LEMD2: variants seen among roughly 807,000 people sequenced by gnomAD.
LEMD2 encodes LEM domain nuclear envelope protein 2.
A neutral mutation model predicts 58.8 loss-of-function variants in LEMD2; 34 were observed. That is an observed-to-expected ratio of 0.58 (90% CI 0.44 to 0.77). The LOEUF (loss-of-function observed/expected upper bound fraction) is 0.77, where lower values mean the gene tolerates loss of function less well. LEMD2 is among the 30% of genes least tolerant of loss of function. The probability of loss-of-function intolerance (pLI) is 0.00; values close to 1 mark genes in which losing one functional copy is unlikely to be tolerated. For missense variants in LEMD2, 629 were observed against 717.9 expected, an observed-to-expected ratio of 0.88 and a Z score of 1.42; for synonymous variants, 298 against 308.9, an observed-to-expected ratio of 0.96 and a Z score of 0.37.
intron 8 of LEMD2, among the ~76,000 whole-genome samples, chr6:33,774,430 ATT>A (rs59520978): frequency 8.6e-4 from 104 of 121,284 alleles, no homozygotes; most frequent in East Asian, 9.6e-4. Flanking sequence ...TTGGTCTCCC[ATT>A]TTTTTTTTTT....
rs1767297203 is a variant in LEMD2 at position 33,771,707 on chromosome 6, C to G, written c.*921G>C. ...GGCAGCCTGCAGCCACTGCGCCTCT[C>G]CCGCCGCCAAGAGCCGCGGCCGGGG... On this transcript the variant is annotated 3_prime_UTR_variant, in exon 9 of 9. Coordinates refer to ENST00000293760, the MANE Select transcript of LEMD2 (RefSeq NM_181336.4). 1 of 152,258 alleles carries G rather than the reference C, an allele frequency of 6.6e-6. No homozygotes were observed. The highest frequency in any genetic ancestry group is 6.5e-5 in the Admixed American group (1 of 15,292). The allele number at this position is 152,258 out of a possible 1,614,324, so 9.4% of individuals were successfully genotyped here. A position where few individuals can be genotyped will look rare whatever the true frequency, so the allele number is the denominator to read the frequency against.
At chr6:33,786,322 C>A (rs1767674811) in intron 2 of LEMD2, among the ~76,000 whole-genome samples, 1 of 152,182 alleles carries the variant, frequency 6.6e-6, no homozygotes, top group Non-Finnish European at 1.5e-5. Flanking sequence ...ATTTTCAGAG[C>A]CACAGCTGCA....
intron 1 of LEMD2, 123 bp from the exon 2 acceptor site, chr6:33,786,897 A>T: frequency 6.6e-7 from 1 of 1,504,648 alleles, no homozygotes; most frequent in Non-Finnish European, 8.9e-7. Context: ...GGGATTAGAA[A>T]GATGTCATCT....
intron 3 of LEMD2, 41 bp from the exon 4 acceptor site, chr6:33,781,194 A>G (rs1767557693): frequency 7.8e-7 from 1 of 1,284,312 alleles, no homozygotes; most frequent in East Asian, 2.3e-5. Context: ...CACAAAGGAA[A>G]AATCACTCTG....
In LEMD2 at chr6:33,784,398, C is replaced by T. The variant is rs374175778; in HGVS notation, c.807G>A (p.Leu269=). 1 of 1,371,624 alleles carries T rather than the reference C, an allele frequency of 7.3e-7. No homozygotes were observed. The highest frequency in any genetic ancestry group is 2.2e-5 in the Admixed American group (1 of 46,168). 85.0% of individuals were successfully genotyped at this position (1,371,624 alleles called of 1,614,324 possible). ...TGTAGAGTTCATGCAGCAGCTCCAG[C>T]AAGGCTGCCTTCTGCTTGGCCTGAC... is the stretch of plus-strand genomic sequence containing the variant. The part of the protein sequence containing the change: ...EFCQAKQKAA[L]LELLHELYNF... Residue 269 remains leucine, a synonymous_variant, in exon 3 of 9, where the codon TTG becomes TTA. Coordinates refer to ENST00000293760, the MANE Select transcript of LEMD2 (RefSeq NM_181336.4).
intron 3 of LEMD2, chr6:33,781,446 CAGAT>C (rs1322302068): frequency 5.2e-6 from 2 of 384,592 alleles, no homozygotes; most frequent in Non-Finnish European, 9.3e-6. Context: ...AAGAATCAGA[CAGAT>C]AGCTTCGGAA....
chr6:33,788,345 G>A (rs1767732099), intron 1 of LEMD2, 36 bp downstream of exon 1: 4 of 1,511,542 alleles, frequency 2.6e-6, no homozygotes, highest in South Asian at 1.2e-5. Flanking sequence ...ACACACGCGC[G>A]CCCAGGGCCC....
At chr6:33,782,397 C>T (rs965364976) in intron 3 of LEMD2, among the ~76,000 whole-genome samples, 1 of 152,228 alleles carries the variant, frequency 6.6e-6, no homozygotes, top group Non-Finnish European at 1.5e-5. Flanking sequence ...CTCTGGTGGC[C>T]TGGCATCCAA....
intron 5 of LEMD2, 72 bp downstream of exon 5, chr6:33,780,028 C>T (rs564709026): frequency 1.2e-5 from 15 of 1,290,146 alleles, no homozygotes; most frequent in African/African-American, 4.4e-5. Flanking sequence ...TGTTGGAGCA[C>T]GGGTGTTAGC....
intron 3 of LEMD2, among the ~76,000 whole-genome samples, chr6:33,782,836 T>C (rs1216103644): frequency 6.6e-6 from 1 of 151,992 alleles, no homozygotes; most frequent in Non-Finnish European, 1.5e-5. Context: ...ATGGAAGGGG[T>C]TGAGGACTAC....
intron 3 of LEMD2, chr6:33,781,417 C>A: frequency 4.4e-6 from 2 of 452,844 alleles, no homozygotes; most frequent in Non-Finnish European, 3.9e-6. Flanking sequence ...AGCAAGGTCT[C>A]TTTGCAATTG....
Position 33,788,734 on chromosome 6 carries a change from T to C in LEMD2, c.383A>G (p.Gln128Arg). 7.0e-7 allele frequency: 1 copy of C among 1,429,764 alleles called. No individual in the cohort carries two copies. Among genetic ancestry groups the C allele is most frequent in the South Asian group, 1.4e-5 (1 of 72,344 alleles). The allele number at this position is 1,429,764 out of a possible 1,614,324, so 88.6% of individuals were successfully genotyped here. The change falls in exon 1 of 9, where the codon CAA becomes CGA. Residue 128 changes from glutamine (Q) to arginine (R), a missense_variant. Coordinates refer to ENST00000293760, the MANE Select transcript of LEMD2 (RefSeq NM_181336.4). Reference sequence around the variant, plus strand: ...CCGGACCGAGGCGCGGCGCCTGAGTTGCGCCGGGCGGGCAGGATAGGCGAG... The same window carrying C: ...CCGGACCGAGGCGCGGCGCCTGAGTCGCGCCGGGCGGGCAGGATAGGCGAG... ...RGLAYPARPA[Q>R]LRRRASVRGS...
chr6:33,787,483 A>G (rs1767705010), intron 1 of LEMD2, among the ~76,000 whole-genome samples: 1 of 152,218 alleles, frequency 6.6e-6, no homozygotes, highest in Admixed American at 6.5e-5. Context: ...TTTTTCCTGT[A>G]TTTTGGCAGT....
Position 33,771,657 on chromosome 6 carries a change from C to G in LEMD2, c.*971G>C, listed in dbSNP as rs1582247101. On this transcript the variant is annotated 3_prime_UTR_variant, in exon 9 of 9. Transcript: ENST00000293760. ...GAGGGCCGGTGGGCGGCGGCGCGGACGCTGCTCCCTTGTGGCCGGCAGGGG... is the reference window on the plus strand; with the variant it reads ...GAGGGCCGGTGGGCGGCGGCGCGGAGGCTGCTCCCTTGTGGCCGGCAGGGG... 2 of 152,186 alleles carry G rather than the reference C, an allele frequency of 1.3e-5. No homozygotes were observed. The highest frequency in any genetic ancestry group is 4.1e-4 in the South Asian group (2 of 4,832). The allele number at this position is 152,186 out of a possible 1,614,324, so 9.4% of individuals were successfully genotyped here. A position where few individuals can be genotyped will look rare whatever the true frequency, so the allele number is the denominator to read the frequency against.
In LEMD2 at chr6:33,772,815, C is replaced by T. The variant is rs4711349; in HGVS notation, c.1362-37G>A. 869,681 of 1,590,830 alleles carry T rather than the reference C, an allele frequency of 0.55. 243,225 individuals are homozygous for T. The highest frequency in any genetic ancestry group is 0.82 in the East Asian group (36,315 of 44,360). ...GGGACGGGGCTCTGCCTGGCACTGC[C>T]GAGGTGAGCCAGCCTGTGGATGCCC... On this transcript the variant is annotated intron_variant, in intron 8 of 8. Coordinates refer to ENST00000293760, the MANE Select transcript of LEMD2 (RefSeq NM_181336.4).
chr6:33,772,826 A>C (rs1171025081), intron 8 of LEMD2, 48 bp from the exon 9 acceptor site: 44 of 1,559,228 alleles, frequency 2.8e-5, no homozygotes, highest in Non-Finnish European at 3.8e-5. Context: ...GAGGTGAGCC[A>C]GCCTGTGGAT....
chr6:33,786,600 C>G, intron 2 of LEMD2, 134 bp downstream of exon 2: 1 of 690,928 alleles, frequency 1.4e-6, no homozygotes, highest in East Asian at 2.7e-5. Flanking sequence ...CATCACAGAA[C>G]ACAATGTGAC....
At chr6:33,781,508 G>C (rs900114141) in intron 3 of LEMD2, 2 of 214,822 alleles carry the variant, frequency 9.3e-6, no homozygotes. Flanking sequence ...AAAAAAGAAA[G>C]GCAGGGAGGC....
chr6:33,787,793 G>A (rs1050103227), intron 1 of LEMD2, among the ~76,000 whole-genome samples: 3 of 152,172 alleles, frequency 2.0e-5, no homozygotes, highest in Non-Finnish European at 4.4e-5. Context: ...ACTCCATGAG[G>A]GTGCTACAAG....
Sources: gnomAD v4.1 joint callset for allele counts (sites outside exome capture counted in the v4.1 genomes callset) on GRCh38, gnomAD v4.1.1 for gene constraint, MANE v1.5 for transcripts, NCBI Gene and HGNC (gene_info 2026-07-23, HGNC 2026-07-21) for gene names.